USP42: variants seen among roughly 807,000 people sequenced by gnomAD.
USP42 encodes ubiquitin carboxyl-terminal hydrolase 42.
In USP42, 23 loss-of-function variants were observed where a neutral mutation model predicts 113.0. That is an observed-to-expected ratio of 0.20 (90% confidence interval 0.15 to 0.29). USP42 has a LOEUF of 0.29. Ranked by LOEUF, USP42 falls within the 10% of genes least tolerant of loss-of-function variation. USP42 has a pLI of 1.00. For synonymous variants in USP42, 933 were observed against 699.0 expected (o/e 1.33, Z -5.28); for missense variants, 2,174 against 1,779.8 (o/e 1.22, Z -3.99).
chr7:6,125,673 T>C (rs1183680230), intron 3 of USP42, among the ~76,000 whole-genome samples: 2 of 152,196 alleles, frequency 1.3e-5, no homozygotes, highest in Non-Finnish European at 2.9e-5. Context: ...ATCATTTCTG[T>C]TTACCTACTT....
chr7:6,154,941 C>G lies in USP42; in HGVS notation c.3387C>G (p.Pro1129=), dbSNP rs918965698. Residue 1129 remains proline (P), a synonymous_variant, in exon 15 of 18, where the codon CCC becomes CCG. Coordinates refer to ENST00000306177, the MANE Select transcript of USP42 (RefSeq NM_032172.3). Reference sequence around the variant, plus strand: ...CGCCCCACGCCCTCGCCCCGCACCCCGACCGCTTCTCCCACGACAGAACTG... The same window carrying G: ...CGCCCCACGCCCTCGCCCCGCACCCGGACCGCTTCTCCCACGACAGAACTG... ...AGAPHALAPH[P]DRFSHDRTAL... 3.6e-5 allele frequency: 56 copies of G among 1,552,964 alleles called. No individual in the cohort carries two copies. Among genetic ancestry groups the G allele is most frequent in the Non-Finnish European group, 4.5e-5 (52 of 1,147,942 alleles).
chr7:6,132,968 G>T (rs1780934164), intron 3 of USP42, among the ~76,000 whole-genome samples: 1 of 152,186 alleles, frequency 6.6e-6, no homozygotes, highest in Non-Finnish European at 1.5e-5. Flanking sequence ...ACTGCGCCCG[G>T]CCCAGCACTG....
chr7:6,094,731 A>G, the USP42 span, among the ~76,000 whole-genome samples: 1 of 149,470 alleles, frequency 6.7e-6, no homozygotes, highest in Non-Finnish European at 1.5e-5. Context: ...TCTCCCATCA[A>G]CCTCCACCCT....
chr7:6,129,303 C>A (rs1233465145), intron 3 of USP42, among the ~76,000 whole-genome samples: 1 of 152,150 alleles, frequency 6.6e-6, no homozygotes, highest in Non-Finnish European at 1.5e-5. Flanking sequence ...TGCCTGTAAT[C>A]CCAGCATTTT....
chr7:6,083,873 G>T, the USP42 span, among the ~76,000 whole-genome samples: 1 of 150,812 alleles, frequency 6.6e-6, no homozygotes, highest in Non-Finnish European at 1.5e-5. Context: ...ACATATTCTG[G>T]GGTCTCTAGC....
chr7:6,120,384 A>G (rs958830653), intron 3 of USP42, among the ~76,000 whole-genome samples: 11 of 152,150 alleles, frequency 7.2e-5, no homozygotes, highest in African/African-American at 2.7e-4. Flanking sequence ...CTGGGATTAC[A>G]GGCACGCACC....
At position 6,155,130 on chromosome 7, in the gene USP42, A is replaced by G. The variant is rs1562859492; in HGVS notation, c.3576A>G (p.Ala1192=). 1.3e-6 allele frequency: 2 copies of G among 1,551,030 alleles called. No homozygotes were observed. Among genetic ancestry groups the G allele is most frequent in the Non-Finnish European group, 1.7e-6 (2 of 1,148,690 alleles). ...EQKDPLEEPK[A]KKHKKSKKKK... ...AGGATCCTCTAGAAGAGCCTAAAGC[A>G]AAGAAGCACAAAAAATCAAAGAAGA... is the stretch of plus-strand genomic sequence containing the variant. Residue 1192 remains alanine (A), a synonymous_variant, in exon 15 of 18, where the codon GCA becomes GCG. Coordinates refer to ENST00000306177, the MANE Select transcript of USP42 (RefSeq NM_032172.3).
In USP42 at chr7:6,157,748, C is replaced by A. The variant is rs7777264; in HGVS notation, c.3943+693C>A. On this transcript the variant is annotated intron_variant, in intron 16 of 17. Coordinates refer to ENST00000306177, the MANE Select transcript of USP42 (RefSeq NM_032172.3). This position sits in a 1 kb window ranked among gnomAD's most constrained non-coding sequence, Gnocchi z 4.1. ...CGGTACTGATTTGCTCGCTTGGTTC[C>A]TTAGAAGCGTGGGCACCAGCCTCTG... Among the ~76,000 whole-genome samples, 44,480 of 151,912 alleles carry A rather than the reference C, an allele frequency of 0.29. 7,794 individuals are homozygous for A. Among genetic ancestry groups the A allele is most frequent in the African/African-American group, 0.49 (20,380 of 41,368 alleles).
chr7:6,108,733 C>A (rs1047557105), intron 1 of USP42, among the ~76,000 whole-genome samples: 17 of 152,182 alleles, frequency 1.1e-4, no homozygotes, highest in African/African-American at 4.1e-4. Context: ...CCCGCCTTGG[C>A]CTCCCAAAGT....
intron 4 of USP42, among the ~76,000 whole-genome samples, chr7:6,136,608 T>C (rs112009723): frequency 6.6e-6 from 1 of 152,182 alleles, no homozygotes. Context: ...TCTGATATTG[T>C]CTCACAGGTT....
At chr7:6,117,518 C>T (rs1779976891) in intron 3 of USP42, among the ~76,000 whole-genome samples, 1 of 152,170 alleles carries the variant, frequency 6.6e-6, no homozygotes, top group Non-Finnish European at 1.5e-5. Flanking sequence ...AGCAAACAAG[C>T]CTTTGTTAGG....
chr7:6,160,470 G>A (rs1373382524), intron 17 of USP42, 85 bp from the exon 18 acceptor site: 2 of 152,340 alleles, frequency 1.3e-5, no homozygotes, highest in African/African-American at 2.4e-5. Flanking sequence ...CAGCCTTCGG[G>A]AGCAGCTGGC....
intron 11 of USP42, 55 bp downstream of exon 11, chr7:6,146,303 T>C: frequency 9.1e-7 from 1 of 1,096,134 alleles, no homozygotes; most frequent in Non-Finnish European, 1.3e-6. Flanking sequence ...TCTTCTTGTC[T>C]TATCAACATG....
At chr7:6,092,060 C>CTTCTTCTTCTTCTTCTTCTTTT in the USP42 span, among the ~76,000 whole-genome samples, 1 of 71,578 alleles carries the variant, frequency 1.4e-5, no homozygotes, top group African/African-American at 6.3e-5. Context: ...CTTCTTTCTT[C>CTTCTTCTTCTTCTTCTTCTTTT]TTCTTCTTCT....
rs868177134 is a variant in USP42, at chr7:6,150,238, G to T, written c.2042G>T (p.Cys681Phe). 3 of 1,613,730 alleles carry T rather than the reference G, an allele frequency of 1.9e-6. No individual in the cohort carries two copies. The African/African-American group carries it at 4.0e-5, about 22-fold the overall frequency. Residue 681 changes from cysteine (C) to phenylalanine (F), a missense_variant, in exon 13 of 18, where the codon TGC (cysteine) becomes TTC (phenylalanine). Coordinates refer to ENST00000306177, the MANE Select transcript of USP42 (RefSeq NM_032172.3). ...GGCCTAGCGCCTGATGGTGCCAGCT[G>T]CCAAGGCCAGCCTGCCCTGCACTCA... is the stretch of plus-strand genomic sequence containing the variant. ...ENGLAPDGASCQGQPALHSEN... is the reference protein window; with the variant it reads ...ENGLAPDGASFQGQPALHSEN...
intron 3 of USP42, among the ~76,000 whole-genome samples, chr7:6,125,883 T>C (rs1263575526): frequency 6.6e-6 from 1 of 152,168 alleles, no homozygotes; most frequent in African/African-American, 2.4e-5. Flanking sequence ...TTTTTATTTG[T>C]GGTAACTAGA....
chr7:6,155,757 C>T (rs891553068), intron 15 of USP42, among the ~76,000 whole-genome samples: 4 of 152,052 alleles, frequency 2.6e-5, no homozygotes, highest in Non-Finnish European at 5.9e-5. Context: ...AAATTTGCTT[C>T]TGTATTTTTT....
chr7:6,125,648 T>G (rs1780497763), intron 3 of USP42, among the ~76,000 whole-genome samples: 1 of 152,212 alleles, frequency 6.6e-6, no homozygotes, highest in Non-Finnish European at 1.5e-5. Context: ...TTAGATAGTT[T>G]AAAGCTTTTA....
At chr7:6,133,318 G>A (rs1780951654) in intron 3 of USP42, among the ~76,000 whole-genome samples, 1 of 152,094 alleles carries the variant, frequency 6.6e-6, no homozygotes, top group South Asian at 2.1e-4. Context: ...AGACTCTAAT[G>A]ATGTATATCA....
Sources: allele counts gnomAD v4.1 joint callset (sites outside exome capture counted in the v4.1 genomes callset), GRCh38; gene constraint gnomAD v4.1.1; non-coding constraint Gnocchi (gnomAD v3.1); transcripts MANE v1.5; gene names NCBI Gene and HGNC (gene_info 2026-07-23, HGNC 2026-07-21).